METTL13: variants seen among roughly 807,000 people sequenced by gnomAD.
The protein encoded by METTL13 is methyltransferase 13, eEF1A N-terminus and K55.
Under a neutral mutation model 67.4 loss-of-function variants are expected in METTL13, and 52 were observed. That is an observed-to-expected ratio of 0.77 (90% CI 0.62 to 0.97). The LOEUF is 0.97. Among genes scored for constraint, METTL13 ranks in the 50% least tolerant of loss-of-function variants. The pLI is 0.00. For missense variants in METTL13, 825 were observed against 889.6 expected, an observed-to-expected ratio of 0.93 and a Z score of 0.92; for synonymous variants, 354 against 353.6, an observed-to-expected ratio of 1.00 and a Z score of -0.01.
intron 7 of METTL13, among the ~76,000 whole-genome samples, chr1:171,795,249 C>T (rs949002550): frequency 5.3e-5 from 8 of 152,148 alleles, no homozygotes; most frequent in African/African-American, 1.7e-4. Flanking sequence ...TAACACAATT[C>T]GCTTATCCAT....
chr1:171,790,506 A>G lies in METTL13; in HGVS notation c.1364A>G (p.Asp455Gly). ...AAGCAGCGGCCTGCTGATGCGGAGGACCTCCCTGCAGCCCCGGGGCAGTCC... is the reference window on the plus strand; with the variant it reads ...AAGCAGCGGCCTGCTGATGCGGAGGGCCTCCCTGCAGCCCCGGGGCAGTCC... ...RKKQRPADAE[D>G]LPAAPGQSID... The change falls in exon 5 of 8, where the codon GAC becomes GGC. Residue 455 changes from aspartate (D) to glycine (G), a missense_variant. Asp to Gly is a moderately conservative substitution (Grantham distance 94, BLOSUM62 -1). Transcript: ENST00000361735. The G allele has an allele frequency of 6.2e-7, 1 of 1,610,580 alleles. No homozygotes were observed. Among genetic ancestry groups the G allele is most frequent in the Non-Finnish European group, 8.5e-7 (1 of 1,179,078 alleles).
rs1415075421 is a variant in METTL13 at position 171,792,297 on chromosome 1, C to A, written c.1693+62C>A. 3.8e-6 allele frequency: 6 copies of A among 1,578,506 alleles called. No homozygotes were observed. In the African/African-American group the frequency reaches 8.1e-5, roughly 21 times the overall value. On this transcript the variant is annotated intron_variant, in intron 6 of 7. Coordinates refer to ENST00000361735, the MANE Select transcript of METTL13 (RefSeq NM_015935.5). ...ATGATTGATGCGACATTGTCAGGCC[C>A]GCAAGGGCCTCTACAGTTTATCTCT... is the stretch of plus-strand genomic sequence containing the variant.
chr1:171,791,500 CAG>C (rs1411894612), intron 5 of METTL13, among the ~76,000 whole-genome samples: 2 of 151,684 alleles, frequency 1.3e-5, no homozygotes, highest in Admixed American at 6.5e-5. Context: ...TTTTTTGAGA[CAG>C]GGATTTACTC....
intron 1 of METTL13, 90 bp downstream of exon 1, chr1:171,782,210 C>G (rs554472983): frequency 9.2e-7 from 1 of 1,088,268 alleles, no homozygotes; most frequent in African/African-American, 1.6e-5. Context: ...CAGTGACAGG[C>G]GGGAGGACCC....
At chr1:171,790,219 A>G (rs1225832962) in intron 4 of METTL13, among the ~76,000 whole-genome samples, 1 of 152,244 alleles carries the variant, frequency 6.6e-6, no homozygotes, top group African/African-American at 2.4e-5. Flanking sequence ...CGTGACCAGC[A>G]TGGTGGCTCC....
chr1:171,794,405 G>T lies in METTL13; in HGVS notation c.1703G>T (p.Cys568Phe). The T allele has an allele frequency of 6.2e-7, 1 of 1,614,158 alleles. No homozygotes were observed. The highest frequency in any genetic ancestry group is 1.1e-5 in the South Asian group (1 of 91,078). ...SLAGGGEARP[C>F]YDVIMFDVDS... ...TCCTTCTTTTTCCCAGCACGGCCTTGCTACGATGTCATAATGTTTGATGTT... is the reference window on the plus strand; with the variant it reads ...TCCTTCTTTTTCCCAGCACGGCCTTTCTACGATGTCATAATGTTTGATGTT... The change falls in exon 7 of 8, where the codon TGC (cysteine) becomes TTC (phenylalanine). Residue 568 changes from cysteine to phenylalanine, a missense_variant. Coordinates refer to ENST00000361735, the MANE Select transcript of METTL13 (RefSeq NM_015935.5).
rs1657230920 is a variant in METTL13, at chr1:171,792,183, C to T, written c.1641C>T (p.Val547=). ...FGFSQSDRMK[V]HIADGLDYIA... ...TCTCCCAGAGTGACCGAATGAAGGT[C>T]CACATTGCAGATGGCCTGGACTATA... is the stretch of plus-strand genomic sequence containing the variant. The change falls in exon 6 of 8, where the codon GTC becomes GTT. Residue 547 remains valine, a synonymous_variant. Coordinates refer to ENST00000361735, the MANE Select transcript of METTL13 (RefSeq NM_015935.5). 2 of 1,614,200 alleles carry T rather than the reference C, an allele frequency of 1.2e-6. No homozygotes were observed. The highest frequency in any genetic ancestry group is 1.7e-6 in the Non-Finnish European group (2 of 1,180,046).
rs1307540327 is a variant in METTL13 at position 171,796,735 on chromosome 1, C to G, written c.2079C>G (p.Leu693=). The G allele has an allele frequency of 6.2e-7, 1 of 1,613,766 alleles. No homozygotes were observed. The highest frequency in any genetic ancestry group is 8.5e-7 in the Non-Finnish European group (1 of 1,179,892). The change falls in exon 8 of 8, where the codon CTC becomes CTG. Residue 693 remains leucine (L), a synonymous_variant. Coordinates refer to ENST00000361735, the MANE Select transcript of METTL13 (RefSeq NM_015935.5). ...ACACGTATGTCTTGTCAGATATGCT[C>G]AAGACGGTGAAAATTGTGTGACTGC... ...WDDTYVLSDM[L]KTVKIV
chr1:171,783,997 A>T lies in METTL13; in HGVS notation c.411A>T (p.Gln137His). The change falls in exon 2 of 8, where the codon CAA becomes CAT. Residue 137 changes from glutamine (Q) to histidine (H), a missense_variant. Gln to His is a conservative substitution (Grantham distance 24). Transcript: ENST00000361735. ...CAGATGAGGAAGAGAAGACCTTACA[A>T]CAGGTGGACAGGATGCTGGCTGAGG... ...VLTDEEEKTLQQVDRMLAEVG... is the reference protein window; with the variant it reads ...VLTDEEEKTLHQVDRMLAEVG... The T allele has an allele frequency of 6.2e-7, 1 of 1,614,180 alleles. No individual in the cohort carries two copies. Among genetic ancestry groups the T allele is most frequent in the South Asian group, 1.1e-5 (1 of 91,082 alleles).
At chr1:171,784,545 A>C in intron 2 of METTL13, 46 bp downstream of exon 2, 5 of 1,084,772 alleles carry the variant, frequency 4.6e-6, no homozygotes, top group East Asian at 4.4e-5. Context: ...GCTGGCTTAC[A>C]GGGGCTGGGG....
rs2124894059 is a variant in METTL13, at chr1:171,781,737, G to C, written c.-231G>C. On this transcript the variant is annotated 5_prime_UTR_variant, in exon 1 of 8. Transcript: ENST00000361735. ...CTCTTCACGTGGGGAAGGAACAGCAGGCGCGGAGGAGGGGGCAAGCGTGTG... is the reference window on the plus strand; with the variant it reads ...CTCTTCACGTGGGGAAGGAACAGCACGCGCGGAGGAGGGGGCAAGCGTGTG... The C allele has an allele frequency of 2.3e-6, 3 of 1,328,948 alleles. No individual in the cohort carries two copies. The highest frequency in any genetic ancestry group is 2.9e-6 in the Non-Finnish European group (3 of 1,032,492). 82.3% of individuals were successfully genotyped at this position (1,328,948 alleles called of 1,614,324 possible).
chr1:171,783,053 G>T (rs56365362), intron 1 of METTL13, among the ~76,000 whole-genome samples: 1 of 146,350 alleles, frequency 6.8e-6, no homozygotes, highest in African/African-American at 2.5e-5. Flanking sequence ...CTGAGGCCCC[G>T]AGAGCCACTT....
chr1:171,783,915 T>C lies in METTL13; in HGVS notation c.329T>C (p.Phe110Ser). ...AAGATGGACATGACGCAGATGGAGT[T>C]TCCTGATGCCTCGTTCCAGGTGGTG... Reference protein sequence around the residue: ...FLKMDMTQMEFPDASFQVVLD... With the variant: ...FLKMDMTQMESPDASFQVVLD... Residue 110 changes from phenylalanine to serine, a missense_variant, in exon 2 of 8, where the codon TTT (phenylalanine) becomes TCT (serine). Phe to Ser is a radical substitution (Grantham distance 155). Coordinates refer to ENST00000361735, the MANE Select transcript of METTL13 (RefSeq NM_015935.5). 1 of 1,614,212 alleles carries C rather than the reference T, an allele frequency of 6.2e-7. No individual in the cohort carries two copies. Among genetic ancestry groups the C allele is most frequent in the Non-Finnish European group, 8.5e-7 (1 of 1,180,038 alleles).
chr1:171,785,795 G>C, intron 2 of METTL13, 84 bp from the exon 3 acceptor site: 2 of 1,400,474 alleles, frequency 1.4e-6, no homozygotes, highest in Non-Finnish European at 2.0e-6. Context: ...CTTGGACAGG[G>C]ACTGGCTCCC....
intron 6 of METTL13, 97 bp downstream of exon 6, chr1:171,792,332 G>C: frequency 7.4e-7 from 1 of 1,358,998 alleles, no homozygotes; most frequent in Admixed American, 2.0e-5. Flanking sequence ...TAAGAGAGTG[G>C]CATGAGTATC....
Position 171,784,474 on chromosome 1 carries a change from G to A in METTL13, c.888G>A (p.Arg296=), listed in dbSNP as rs1024486107. 31 of 1,504,796 alleles carry A rather than the reference G, an allele frequency of 2.1e-5. 1 individual carries two copies. In the South Asian group the frequency reaches 3.7e-4, roughly 18 times the overall value. 93.2% of individuals were successfully genotyped at this position (1,504,796 alleles called of 1,614,324 possible). The change falls in exon 2 of 8, where the codon CGG becomes CGA. Residue 296 remains arginine (R), a synonymous_variant. Transcript: ENST00000361735. Reference sequence around the variant, plus strand: ...ACAGCCCCACTGTGAAACCATCGCGGGACAATCATTTTGCGATTTTCATCA... The same window carrying A: ...ACAGCCCCACTGTGAAACCATCGCGAGACAATCATTTTGCGATTTTCATCA... ...VVDSPTVKPS[R]DNHFAIFIIP... is the part of the protein sequence containing the mutation.
intron 4 of METTL13, among the ~76,000 whole-genome samples, chr1:171,789,948 G>A (rs576923826): frequency 6.6e-6 from 1 of 152,178 alleles, no homozygotes; most frequent in Non-Finnish European, 1.5e-5. Context: ...GAATACCTGA[G>A]ACTGGATAAT....
rs17650310 is a variant in METTL13 at position 171,788,064 on chromosome 1, A to G, written c.1309+134A>G. 144,935 of 800,498 alleles carry G rather than the reference A, an allele frequency of 0.18. 13,868 individuals are homozygous for G. The highest frequency in any genetic ancestry group is 0.23 in the African/African-American group (13,610 of 58,400). 49.6% of individuals were successfully genotyped at this position (800,498 alleles called of 1,614,324 possible). On this transcript the variant is annotated intron_variant, in intron 4 of 7. Coordinates refer to ENST00000361735, the MANE Select transcript of METTL13 (RefSeq NM_015935.5). Reference sequence around the variant, plus strand: ...AACCATCTGGACTCTTAGGGTGTGAATAGCTATAAGCAGAGTACATTCTGT... The same window carrying G: ...AACCATCTGGACTCTTAGGGTGTGAGTAGCTATAAGCAGAGTACATTCTGT...
intron 1 of METTL13, among the ~76,000 whole-genome samples, chr1:171,782,340 G>A (rs1656854256): frequency 6.6e-6 from 1 of 152,196 alleles, no homozygotes; most frequent in Non-Finnish European, 1.5e-5. Context: ...GGAGACCGAG[G>A]TGGGAGGATC....
Sources: allele counts gnomAD v4.1 joint callset (sites outside exome capture counted in the v4.1 genomes callset), GRCh38; gene constraint gnomAD v4.1.1; transcripts MANE v1.5; gene names NCBI Gene and HGNC (gene_info 2026-07-23, HGNC 2026-07-21).